The following GMPR variants were observed in gnomAD, a reference collection of about 807,000 sequenced individuals.
The protein encoded by GMPR is guanosine monophosphate reductase.
In GMPR, 31 loss-of-function variants were observed where a neutral mutation model predicts 38.4. The ratio of observed to expected loss-of-function variants is 0.81; its 90% CI spans 0.61 to 1.09. The LOEUF (loss-of-function observed/expected upper bound fraction) is 1.09, where lower values mean the gene tolerates loss of function less well. GMPR is among the 50% of genes least tolerant of loss of function. The pLI, the probability that GMPR is intolerant of heterozygous loss-of-function variation, is 0.00. For synonymous variants in GMPR, 162 were observed against 173.3 expected (o/e 0.93, Z 0.51); for missense variants, 468 against 453.7 (o/e 1.03, Z -0.29).
At chr6:16,289,513 A>G (rs375387417) in intron 7 of GMPR, 1 of 152,258 alleles carries the variant, frequency 6.6e-6, no homozygotes, top group Non-Finnish European at 1.5e-5. Context: ...CCACAAAGAC[A>G]GGCAGCTTCA....
chr6:16,253,586 C>T (rs1360169159), intron 3 of GMPR, among the ~76,000 whole-genome samples: 3 of 151,888 alleles, frequency 2.0e-5, no homozygotes, highest in Non-Finnish European at 4.4e-5. Flanking sequence ...CCCCATGACC[C>T]ATACACCTCC....
intron 5 of GMPR, among the ~76,000 whole-genome samples, chr6:16,277,924 GA>G (rs1759503560): frequency 6.6e-6 from 1 of 152,182 alleles, no homozygotes; most frequent in Non-Finnish European, 1.5e-5. Flanking sequence ...TGATTCTGCT[GA>G]TCTGGGTAAA....
At position 16,278,904 on chromosome 6, in the gene GMPR, CG is replaced by C; in HGVS notation, c.654+18del. The C allele has an allele frequency of 6.5e-7, 1 of 1,549,178 alleles. No individual in the cohort carries two copies. The highest frequency in any genetic ancestry group is 8.9e-7 in the Non-Finnish European group (1 of 1,123,990). On this transcript the variant is annotated intron_variant, in intron 6 of 8. Coordinates refer to ENST00000259727, the MANE Select transcript of GMPR (RefSeq NM_006877.4). ...CACATCATCTCTGTGAGTCTCCACC[CG>C]GGGCTGAGGCTGGGGTGTCTTGGGA...
At position 16,278,853 on chromosome 6, in the gene GMPR, C is replaced by T; in HGVS notation, c.617C>T (p.Ala206Val). Residue 206 changes from alanine (A) to valine (V), a missense_variant, in exon 6 of 9, where the codon GCC becomes GTC. Coordinates refer to ENST00000259727, the MANE Select transcript of GMPR (RefSeq NM_006877.4). Reference sequence around the variant, plus strand: ...CAGCTGAGTGCCGTCATTGAGTGTGCCGACTCTGCCCATGGCCTGAAGGGC... The same window carrying T: ...CAGCTGAGTGCCGTCATTGAGTGTGTCGACTCTGCCCATGGCCTGAAGGGC... ...YPQLSAVIEC[A>V]DSAHGLKGHI... The T allele has an allele frequency of 6.2e-7, 1 of 1,613,626 alleles. No individual in the cohort carries two copies. The highest frequency in any genetic ancestry group is 8.5e-7 in the Non-Finnish European group (1 of 1,179,572).
intron 2 of GMPR, 90 bp downstream of exon 2, chr6:16,247,051 G>A (rs1296782517): frequency 8.0e-7 from 1 of 1,250,200 alleles, no homozygotes; most frequent in African/African-American, 1.5e-5. Flanking sequence ...CAGACACAAG[G>A]AAGAGTAGAA....
intron 6 of GMPR, among the ~76,000 whole-genome samples, chr6:16,283,883 G>T (rs1274117287): frequency 6.6e-6 from 1 of 150,774 alleles, no homozygotes; most frequent in Non-Finnish European, 1.5e-5. Flanking sequence ...AGCTGGTTTT[G>T]ATAAAGAGAT....
chr6:16,294,925 C>A, intron 8 of GMPR, 81 bp from the exon 9 acceptor site: 1 of 1,127,010 alleles, frequency 8.9e-7, no homozygotes, highest in Non-Finnish European at 1.3e-6. Context: ...ACAGAAAGTG[C>A]TGGAGCTGGG....
chr6:16,262,295 A>G (rs1759103267), intron 4 of GMPR: 1 of 151,986 alleles, frequency 6.6e-6, no homozygotes, highest in African/African-American at 2.4e-5. Context: ...GGAAGCAGTC[A>G]GAGAGCCTTG....
intron 2 of GMPR, among the ~76,000 whole-genome samples, chr6:16,247,574 C>T (rs146684177): frequency 5.3e-5 from 8 of 152,260 alleles, no homozygotes; most frequent in African/African-American, 7.2e-5. Flanking sequence ...GGGGTTTCAC[C>T]GTGTTGGCCA....
At chr6:16,239,850 T>G (rs1316770953) in intron 1 of GMPR, among the ~76,000 whole-genome samples, 4 of 152,222 alleles carry the variant, frequency 2.6e-5, no homozygotes, top group African/African-American at 9.6e-5. Context: ...TGGCCTTCTG[T>G]AAGCAGCAGC....
intron 5 of GMPR, among the ~76,000 whole-genome samples, chr6:16,275,167 C>T (rs1026923112): frequency 1.3e-5 from 2 of 152,102 alleles, no homozygotes; most frequent in East Asian, 3.9e-4. Context: ...GATGAGCTGC[C>T]ATGTTTTAAA....
intron 1 of GMPR, among the ~76,000 whole-genome samples, chr6:16,243,404 T>C (rs1174396479): frequency 3.3e-5 from 5 of 152,108 alleles, no homozygotes; most frequent in African/African-American, 9.7e-5. Context: ...TGATAACTGA[T>C]GGTGAGGCTT....
intron 4 of GMPR, among the ~76,000 whole-genome samples, chr6:16,271,936 T>A (rs1396465383): frequency 6.6e-6 from 1 of 152,134 alleles, no homozygotes; most frequent in Non-Finnish European, 1.5e-5. Flanking sequence ...TTAGGCTGGG[T>A]GCGGTGCCTC....
intron 4 of GMPR, among the ~76,000 whole-genome samples, chr6:16,259,945 T>C (rs1314562595): frequency 6.6e-6 from 1 of 152,040 alleles, no homozygotes; most frequent in Admixed American, 6.6e-5. Flanking sequence ...GTATGAGTAG[T>C]TGAGAATGGT....
intron 7 of GMPR, among the ~76,000 whole-genome samples, chr6:16,287,811 G>T (rs982561584): frequency 3.9e-5 from 6 of 152,216 alleles, no homozygotes; most frequent in African/African-American, 1.4e-4. Context: ...GTTGCGTTGT[G>T]CTTTGCTTCC....
chr6:16,261,088 A>G (rs528559329), intron 4 of GMPR, among the ~76,000 whole-genome samples: 62 of 152,106 alleles, frequency 4.1e-4, no homozygotes, highest in African/African-American at 1.5e-3. Flanking sequence ...GCACGGAGAC[A>G]TGATGGCTAG....
At position 16,275,870 on chromosome 6, in the gene GMPR, C is replaced by T. The variant is rs879331226; in HGVS notation, c.547+1374C>T. On this transcript the variant is annotated intron_variant, in intron 5 of 8. Coordinates refer to ENST00000259727, the MANE Select transcript of GMPR (RefSeq NM_006877.4). The stretch of plus-strand genomic sequence containing the variant: ...CCCAGGAGTTTGAGACCAGCCTGGG[C>T]AACATGGTGAAACTCTGTCTCTACT... Among the ~76,000 whole-genome samples, 31 of 152,014 alleles carry T rather than the reference C, an allele frequency of 2.0e-4. 1 individual carries two copies.
chr6:16,290,865 G>C (rs1453950636), intron 8 of GMPR, among the ~76,000 whole-genome samples: 2 of 152,216 alleles, frequency 1.3e-5, no homozygotes, highest in Admixed American at 6.5e-5. Flanking sequence ...ATGTGAGTGG[G>C]TGCCAGTCCT....
intron 4 of GMPR, among the ~76,000 whole-genome samples, chr6:16,257,216 G>A (rs893244251): frequency 1.3e-5 from 2 of 152,100 alleles, no homozygotes; most frequent in African/African-American, 2.4e-5. Context: ...GCTTCCTGGC[G>A]GGTAACACGT....
Sources: allele counts gnomAD v4.1 joint callset (sites outside exome capture counted in the v4.1 genomes callset), GRCh38; gene constraint gnomAD v4.1.1; transcripts MANE v1.5; gene names NCBI Gene and HGNC (gene_info 2026-07-23, HGNC 2026-07-21).